APCDD1: variants seen among roughly 807,000 people sequenced by gnomAD.
The protein encoded by APCDD1 is protein APCDD1.
Under a neutral mutation model 38.1 loss-of-function variants are expected in APCDD1, and 15 were observed. The observed-to-expected ratio is 0.39, with a 90% CI of 0.26 to 0.61. The LOEUF is 0.61. Among genes scored for constraint, APCDD1 ranks in the 20% least tolerant of loss-of-function variants. The pLI, the probability that APCDD1 is intolerant of heterozygous loss-of-function variation, is 0.49. For missense variants in APCDD1, 647 were observed against 696.2 expected (o/e 0.93, Z 0.79); for synonymous variants, 261 against 279.7 (o/e 0.93, Z 0.67).
In APCDD1 at chr18:10,470,664, C is replaced by A. The variant is rs1261425237; in HGVS notation, c.243-866C>A. Among the ~76,000 whole-genome samples the A allele has an allele frequency of 2.0e-5, 3 of 152,186 alleles. No individual in the cohort carries two copies. Among genetic ancestry groups the A allele is most frequent in the Non-Finnish European group, 4.4e-5 (3 of 68,036 alleles). On this transcript the variant is annotated intron_variant, in intron 2 of 4. Transcript: ENST00000355285. The surrounding 1 kb of genome is among the most constrained non-coding windows in gnomAD (Gnocchi z 4.1). The stretch of plus-strand genomic sequence containing the variant: ...TGGCGTAACTGAGACTAGGAGCTAA[C>A]AAAAGGCTAAGGCCAGGTCATTTGG...
intron 1 of APCDD1, among the ~76,000 whole-genome samples, chr18:10,456,498 A>G (rs2030385095): frequency 6.6e-6 from 1 of 152,232 alleles, no homozygotes; most frequent in African/African-American, 2.4e-5. Context: ...GTGAAGAAAA[A>G]AGATAGTATG....
intron 3 of APCDD1, among the ~76,000 whole-genome samples, chr18:10,480,867 C>T (rs749576266): frequency 6.6e-6 from 1 of 151,410 alleles, no homozygotes; most frequent in African/African-American, 2.4e-5. Flanking sequence ...CTTTCTCTTT[C>T]CCACCTCCAA....
intron 1 of APCDD1, among the ~76,000 whole-genome samples, chr18:10,468,165 T>C (rs1391459771): frequency 2.0e-5 from 3 of 152,206 alleles, no homozygotes; most frequent in Non-Finnish European, 4.4e-5. Context: ...ACAACCTTCA[T>C]TGTTGCTTCA....
chr18:10,459,156 G>A (rs985214521), intron 1 of APCDD1, among the ~76,000 whole-genome samples: 24 of 152,208 alleles, frequency 1.6e-4, no homozygotes, highest in African/African-American at 5.1e-4. Context: ...CACTTGCCAG[G>A]TCCACTGGCC....
At position 10,472,945 on chromosome 18, in the gene APCDD1, C is replaced by T. The variant is rs1379527123; in HGVS notation, c.774+884C>T. 6.6e-6 allele frequency among the ~76,000 whole-genome samples: 1 copy of T among 152,026 alleles called. No individual in the cohort carries two copies. Among genetic ancestry groups the T allele is most frequent in the African/African-American group, 2.4e-5 (1 of 41,382 alleles). On this transcript the variant is annotated intron_variant, in intron 3 of 4. Transcript: ENST00000355285. This position sits in a 1 kb window ranked among gnomAD's most constrained non-coding sequence, Gnocchi z 6.6. ...GAGGGGAGTGGGCTTCTGCCCAGTGCGTAGTGTGAACGTGCAGACCCGGGC... is the reference window on the plus strand; with the variant it reads ...GAGGGGAGTGGGCTTCTGCCCAGTGTGTAGTGTGAACGTGCAGACCCGGGC...
intron 3 of APCDD1, among the ~76,000 whole-genome samples, chr18:10,473,286 C>G (rs34298408): frequency 2.0e-5 from 3 of 152,076 alleles, no homozygotes; most frequent in Non-Finnish European, 4.4e-5. Flanking sequence ...AGAAAGCCCA[C>G]CTGGTGGAGG....
intron 3 of APCDD1, among the ~76,000 whole-genome samples, chr18:10,478,520 T>C (rs1273206519): frequency 3.3e-5 from 5 of 152,174 alleles, no homozygotes; most frequent in Non-Finnish European, 7.3e-5. Flanking sequence ...TGGTCAGGGC[T>C]CTCTCCCAGG....
Position 10,471,498 on chromosome 18 carries a change from C to G in APCDD1, c.243-32C>G. The G allele has an allele frequency of 6.2e-7, 1 of 1,613,742 alleles. No homozygotes were observed. The highest frequency in any genetic ancestry group is 1.7e-4 in the Middle Eastern group (1 of 6,060). On this transcript the variant is annotated intron_variant, in intron 2 of 4. Coordinates refer to ENST00000355285, the MANE Select transcript of APCDD1 (RefSeq NM_153000.5). The surrounding 1 kb of genome is among the most constrained non-coding windows in gnomAD (Gnocchi z 5.5). ...TCTCTTTCCCATACCTTCAGGCTTA[C>G]AAAGGTCTCTTCTTCCCCTTTTCTT...
intron 1 of APCDD1, among the ~76,000 whole-genome samples, chr18:10,466,068 A>G (rs1026148866): frequency 2.6e-5 from 4 of 152,234 alleles, no homozygotes; most frequent in Admixed American, 1.3e-4. Flanking sequence ...AATGCTTAGT[A>G]GCATATTTAT....
At position 10,471,777 on chromosome 18, in the gene APCDD1, G is replaced by C; in HGVS notation, c.490G>C (p.Gly164Arg). Residue 164 changes from glycine to arginine, a missense_variant, in exon 3 of 5, where the codon GGC becomes CGC. Coordinates refer to ENST00000355285, the MANE Select transcript of APCDD1 (RefSeq NM_153000.5). This position sits in a 1 kb window ranked among gnomAD's most constrained non-coding sequence, Gnocchi z 5.5. ...CHTEAVAEKL[G>R]QQVNRTCPGF... ...CACAGAGGCGGTGGCCGAGAAGCTC[G>C]GCCAGCAGGTGAACCGCACATGCCC... 1 of 1,613,040 alleles carries C rather than the reference G, an allele frequency of 6.2e-7. No individual in the cohort carries two copies. Among genetic ancestry groups the C allele is most frequent in the African/African-American group, 1.3e-5 (1 of 75,042 alleles).
rs2030754568 is a variant in APCDD1, at chr18:10,467,886, A to G, written c.59-583A>G. 6.6e-6 allele frequency among the ~76,000 whole-genome samples: 1 copy of G among 152,232 alleles called. No individual in the cohort carries two copies. The highest frequency in any genetic ancestry group is 1.5e-5 in the Non-Finnish European group (1 of 68,034). ...TGGTGTAAGCAGATGGAGCCAAGCC[A>G]GCAAGCACATCCCAGCTGGGAATCT... On this transcript the variant is annotated intron_variant, in intron 1 of 4. Transcript: ENST00000355285. The surrounding 1 kb of genome is among the most constrained non-coding windows in gnomAD (Gnocchi z 4.8).
At chr18:10,468,713 T>G (rs2030778653) in intron 2 of APCDD1, 61 bp downstream of exon 2, 1 of 1,548,206 alleles carries the variant, frequency 6.5e-7, no homozygotes, top group Admixed American at 1.7e-5. Context: ...AAGACCCTTC[T>G]TATGGGTTCT....
At chr18:10,474,968 C>T (rs1464493320) in intron 3 of APCDD1, among the ~76,000 whole-genome samples, 1 of 152,234 alleles carries the variant, frequency 6.6e-6, no homozygotes, top group Non-Finnish European at 1.5e-5. Flanking sequence ...TCCTGGAAGC[C>T]AGTTCTGCTG....
At chr18:10,458,418 A>G (rs1173308543) in intron 1 of APCDD1, among the ~76,000 whole-genome samples, 2 of 152,216 alleles carry the variant, frequency 1.3e-5, no homozygotes, top group African/African-American at 4.8e-5. Context: ...TCTTTGAAAA[A>G]CTATTTTACT....
intron 3 of APCDD1, among the ~76,000 whole-genome samples, chr18:10,473,210 T>A (rs568414540): frequency 7.2e-5 from 11 of 152,372 alleles, no homozygotes; most frequent in African/African-American, 2.2e-4. Context: ...TATCTTTTTT[T>A]AATCTATGTT....
At position 10,455,052 on chromosome 18, in the gene APCDD1, G is replaced by A; in HGVS notation, c.58+13G>A. The A allele has an allele frequency of 2.6e-6, 4 of 1,560,572 alleles. No individual in the cohort carries two copies. The highest frequency in any genetic ancestry group is 3.5e-6 in the Non-Finnish European group (4 of 1,152,696). On this transcript the variant is annotated intron_variant, in intron 1 of 4. Coordinates refer to ENST00000355285, the MANE Select transcript of APCDD1 (RefSeq NM_153000.5). Reference sequence around the variant, plus strand: ...CTCCTGCTTCACGGTGAGTTCCCGAGGGCCACTCGAGCGCTCCCAGCCGGC... The same window carrying A: ...CTCCTGCTTCACGGTGAGTTCCCGAAGGCCACTCGAGCGCTCCCAGCCGGC...
chr18:10,471,291 G>T lies in APCDD1; in HGVS notation c.243-239G>T, dbSNP rs531494341. Among the ~76,000 whole-genome samples the T allele has an allele frequency of 6.6e-6, 1 of 152,274 alleles. No homozygotes were observed. The highest frequency in any genetic ancestry group is 2.1e-4 in the South Asian group (1 of 4,824). ...TGGCTCTGATACTTGCTGGTCATGTGCTCTTGGGCATGTTCCCTAACCTCA... is the reference window on the plus strand; with the variant it reads ...TGGCTCTGATACTTGCTGGTCATGTTCTCTTGGGCATGTTCCCTAACCTCA... On this transcript the variant is annotated intron_variant, in intron 2 of 4. Coordinates refer to ENST00000355285, the MANE Select transcript of APCDD1 (RefSeq NM_153000.5). The surrounding 1 kb of genome is among the most constrained non-coding windows in gnomAD (Gnocchi z 5.5).
At chr18:10,484,653 C>G (rs2031210944) in intron 3 of APCDD1, among the ~76,000 whole-genome samples, 1 of 152,166 alleles carries the variant, frequency 6.6e-6, no homozygotes, top group African/African-American at 2.4e-5. Context: ...CTAGGAACCT[C>G]ATATAAGTGA....
Position 10,454,789 on chromosome 18 carries a change from C to T in APCDD1, c.-193C>T. On this transcript the variant is annotated 5_prime_UTR_variant, in exon 1 of 5. Transcript: ENST00000355285. ...ACCGGGCCGGGGCGCCCACAGCCGC[C>T]CGACGGCGCCCAGAGAGCGCGCGCC... 1 of 980,770 alleles carries T rather than the reference C, an allele frequency of 1.0e-6. No individual in the cohort carries two copies. The highest frequency in any genetic ancestry group is 1.2e-6 in the Non-Finnish European group (1 of 828,456). The allele number at this position is 980,770 out of a possible 1,614,324, so 60.8% of individuals were successfully genotyped here.
Sources: allele counts gnomAD v4.1 joint callset (sites outside exome capture counted in the v4.1 genomes callset), GRCh38; gene constraint gnomAD v4.1.1; non-coding constraint Gnocchi (gnomAD v3.1); transcripts MANE v1.5; gene names NCBI Gene and HGNC (gene_info 2026-07-23, HGNC 2026-07-21).